Variants in TSPAN15 observed in about 807,000 individuals in gnomAD.
TSPAN15 encodes tetraspanin 15.
In TSPAN15, 20 loss-of-function variants were observed where a neutral mutation model predicts 34.5. The observed-to-expected ratio is 0.58, with a 90% CI of 0.41 to 0.84. TSPAN15 has a LOEUF of 0.84. TSPAN15 is among the 40% of genes least tolerant of loss of function. TSPAN15 has a pLI of 0.00. For missense variants in TSPAN15, 313 were observed against 386.1 expected (o/e 0.81, Z 1.59); for synonymous variants, 155 against 153.9 (o/e 1.01, Z -0.05).
chr10:69,464,380 T>G (rs1841336191), intron 1 of TSPAN15, among the ~76,000 whole-genome samples: 13 of 146,402 alleles, frequency 8.9e-5, no homozygotes, highest in South Asian at 4.4e-4. Flanking sequence ...GGGGAAGGAG[T>G]GGGGCGAGAA....
At chr10:69,540,436 G>A in the TSPAN15 span, among the ~76,000 whole-genome samples, 2 of 152,184 alleles carry the variant, frequency 1.3e-5, no homozygotes, top group Non-Finnish European at 2.9e-5. Flanking sequence ...TGGGTATTGG[G>A]AAATAGTCGT....
chr10:69,518,250 T>A, the TSPAN15 span, among the ~76,000 whole-genome samples: 1 of 152,168 alleles, frequency 6.6e-6, no homozygotes, highest in Non-Finnish European at 1.5e-5. Flanking sequence ...TGGAGAAATG[T>A]GCAAAGAATG....
intron 1 of TSPAN15, among the ~76,000 whole-genome samples, chr10:69,458,499 A>G (rs1394552136): frequency 6.6e-6 from 1 of 152,186 alleles, no homozygotes; most frequent in African/African-American, 2.4e-5. Context: ...TGTCGAGCAA[A>G]GTTCATTTTC....
chr10:69,495,280 CTG>C lies in TSPAN15; in HGVS notation c.358-308_358-307del, dbSNP rs535796399. On this transcript the variant is annotated intron_variant, in intron 3 of 7. Transcript: ENST00000373290. ...CAGCTCAGGCATGGCGGCATCAGAG[CTG>C]TGTGTCCCCAAGCACGGCCCCAGCC... The C allele has an allele frequency of 2.0e-4, 57 of 290,010 alleles. No individual in the cohort carries two copies. The East Asian group carries it at 3.9e-3, about 20-fold the overall frequency. The allele number at this position is 290,010 out of a possible 1,614,324, so 18.0% of individuals were successfully genotyped here.
At chr10:69,539,176 A>C in the TSPAN15 span, among the ~76,000 whole-genome samples, 2 of 152,062 alleles carry the variant, frequency 1.3e-5, no homozygotes, top group Non-Finnish European at 2.9e-5. Flanking sequence ...GTATGTTCTC[A>C]TGTATAGGTG....
At chr10:69,482,102 T>C (rs936191293) in intron 1 of TSPAN15, among the ~76,000 whole-genome samples, 1 of 148,982 alleles carries the variant, frequency 6.7e-6, no homozygotes, top group Non-Finnish European at 1.5e-5. Flanking sequence ...AATAGTGTAG[T>C]ATGTTAAATA....
the TSPAN15 span, among the ~76,000 whole-genome samples, chr10:69,532,764 C>A: frequency 6.6e-6 from 1 of 152,146 alleles, no homozygotes; most frequent in Non-Finnish European, 1.5e-5. Context: ...GGGAGAAAAT[C>A]TTCACAATCT....
At chr10:69,539,426 A>G in the TSPAN15 span, among the ~76,000 whole-genome samples, 22 of 111,942 alleles carry the variant, frequency 2.0e-4, no homozygotes, top group East Asian at 5.4e-4. Context: ...GAAGAAGAAG[A>G]AAGAAGAAGA....
the TSPAN15 span, among the ~76,000 whole-genome samples, chr10:69,531,628 T>C: frequency 2.6e-5 from 4 of 151,810 alleles, no homozygotes; most frequent in South Asian, 6.2e-4. Context: ...CCCCAAAGTA[T>C]TGTAAGAAAA....
Position 69,505,785 on chromosome 10 carries a change from A to G in TSPAN15, c.619-339A>G, listed in dbSNP as rs184953060. Among the ~76,000 whole-genome samples, 497 of 152,280 alleles carry G rather than the reference A, an allele frequency of 3.3e-3. 1 individual carries two copies. The highest frequency in any genetic ancestry group is 5.6e-3 in the Admixed American group (85 of 15,296). ...TAAATAGGCTTTTCATGTATGGAAA[A>G]CATCCGTGAGGCTTTTCATGCAGGG... is the stretch of plus-strand genomic sequence containing the variant. On this transcript the variant is annotated intron_variant, in intron 6 of 7. Transcript: ENST00000373290.
At chr10:69,530,808 CTCTCTCTCTCTCTATATATATATATA>C in the TSPAN15 span, among the ~76,000 whole-genome samples, 1 of 69,118 alleles carries the variant, frequency 1.4e-5, no homozygotes, top group Non-Finnish European at 2.8e-5. Flanking sequence ...CTCTCTCTCT[CTCTCTCTCTCTCTATATATATATATA>C]TATATATATA....
chr10:69,544,664 T>A, the TSPAN15 span, among the ~76,000 whole-genome samples: 1 of 152,278 alleles, frequency 6.6e-6, no homozygotes, highest in African/African-American at 2.4e-5. Flanking sequence ...GAGGCAAAGT[T>A]AGGAACGATT....
chr10:69,547,538 T>C, the TSPAN15 span, among the ~76,000 whole-genome samples: 2 of 152,216 alleles, frequency 1.3e-5, no homozygotes, highest in Non-Finnish European at 2.9e-5. Context: ...CTTATATTTT[T>C]CCCACATATC....
chr10:69,476,940 T>C (rs1841626975), intron 1 of TSPAN15, among the ~76,000 whole-genome samples: 1 of 151,946 alleles, frequency 6.6e-6, no homozygotes, highest in Non-Finnish European at 1.5e-5. Context: ...GAATGGGCCC[T>C]TTAGCGGTTT....
intron 6 of TSPAN15, among the ~76,000 whole-genome samples, chr10:69,505,612 T>C (rs961741415): frequency 5.3e-5 from 8 of 151,976 alleles, no homozygotes; most frequent in Non-Finnish European, 1.2e-4. Flanking sequence ...GTCTCACTGT[T>C]GCCTAGGCTG....
intron 1 of TSPAN15, among the ~76,000 whole-genome samples, chr10:69,453,062 C>G (rs1182076688): frequency 2.6e-5 from 4 of 152,166 alleles, no homozygotes; most frequent in Non-Finnish European, 5.9e-5. Context: ...ATTGACTTTT[C>G]CATCTAGAAG....
At chr10:69,504,305 G>A (rs1004993579) in intron 5 of TSPAN15, 133 bp from the exon 6 acceptor site, 99 of 716,234 alleles carry the variant, frequency 1.4e-4, no homozygotes, top group Non-Finnish European at 2.0e-4. Flanking sequence ...TGCCTGGGTC[G>A]GAATCTCAGC....
intron 1 of TSPAN15, among the ~76,000 whole-genome samples, chr10:69,470,224 C>A (rs1290404886): frequency 1.3e-5 from 2 of 152,140 alleles, no homozygotes; most frequent in East Asian, 1.9e-4. Context: ...GAGCATTTCA[C>A]AGGGTGTGCA....
At chr10:69,502,916 A>C (rs1842240414) in intron 5 of TSPAN15, among the ~76,000 whole-genome samples, 1 of 152,200 alleles carries the variant, frequency 6.6e-6, no homozygotes, top group Non-Finnish European at 1.5e-5. Context: ...CTACAGTGTA[A>C]GTTCCATGAA....
Sources: gnomAD v4.1 joint callset for allele counts (sites outside exome capture counted in the v4.1 genomes callset) on GRCh38, gnomAD v4.1.1 for gene constraint, MANE v1.5 for transcripts, NCBI Gene and HGNC (gene_info 2026-07-23, HGNC 2026-07-21) for gene names.